NWD2: variants seen among roughly 807,000 people sequenced by gnomAD.
NWD2 encodes the protein NACHT and WD repeat domain-containing protein 2.
NWD2 carries 37 observed loss-of-function variants against 132.7 expected under a neutral mutation model. The observed-to-expected ratio is 0.28, with a 90% CI of 0.21 to 0.37. The LOEUF is 0.37. NWD2 is among the 10% of genes least tolerant of loss of function. NWD2 has a pLI of 1.00. For synonymous variants in NWD2, 705 were observed against 803.0 expected, an observed-to-expected ratio of 0.88 and a Z score of 2.06; for missense variants, 1,592 against 2,122.4, an observed-to-expected ratio of 0.75 and a Z score of 4.91.
At chr4:37,397,429 G>T (rs75724491) in intron 3 of NWD2, among the ~76,000 whole-genome samples, 1 of 152,122 alleles carries the variant, frequency 6.6e-6, no homozygotes, top group African/African-American at 2.4e-5. Context: ...TCATGTGGAT[G>T]GGCCTCATCC....
chr4:37,294,169 CTTG>C (rs1718426894), intron 1 of NWD2, among the ~76,000 whole-genome samples: 2 of 152,062 alleles, frequency 1.3e-5, no homozygotes, highest in African/African-American at 2.4e-5. Flanking sequence ...AGCTTCCAAT[CTTG>C]TTGTAACAGC....
chr4:37,420,206 C>T (rs1421818326), intron 3 of NWD2, among the ~76,000 whole-genome samples: 2 of 152,216 alleles, frequency 1.3e-5, no homozygotes, highest in African/African-American at 4.8e-5. Flanking sequence ...TGCTCTATAA[C>T]AGCTCTGTAT....
At chr4:37,286,573 T>C (rs547228976) in intron 1 of NWD2, among the ~76,000 whole-genome samples, 1 of 152,266 alleles carries the variant, frequency 6.6e-6, no homozygotes, top group South Asian at 2.1e-4. Context: ...TTGGGGTCAG[T>C]AGAAAGAACA....
At chr4:37,413,760 G>T (rs952758890) in intron 3 of NWD2, among the ~76,000 whole-genome samples, 1 of 152,218 alleles carries the variant, frequency 6.6e-6, no homozygotes, top group African/African-American at 2.4e-5. Context: ...AGAAAATGTG[G>T]TACATATACA....
chr4:37,263,646 A>G (rs1312109544), intron 1 of NWD2, among the ~76,000 whole-genome samples: 1 of 151,364 alleles, frequency 6.6e-6, no homozygotes, highest in Non-Finnish European at 1.5e-5. Context: ...GATTAATGCT[A>G]ATTGTTGTTT....
intron 3 of NWD2, among the ~76,000 whole-genome samples, chr4:37,362,391 GCA>G (rs1719998016): frequency 1.3e-5 from 2 of 152,108 alleles, no homozygotes; most frequent in Non-Finnish European, 2.9e-5. Flanking sequence ...AAAGCTGGAG[GCA>G]TCACCACATT....
At chr4:37,263,917 G>A (rs960438363) in intron 1 of NWD2, among the ~76,000 whole-genome samples, 14 of 152,196 alleles carry the variant, frequency 9.2e-5, no homozygotes, top group Non-Finnish European at 1.5e-4. Flanking sequence ...TTCAATGCCT[G>A]TGAATAGTGA....
intron 1 of NWD2, among the ~76,000 whole-genome samples, chr4:37,255,924 G>A (rs1360619125): frequency 6.6e-6 from 1 of 152,194 alleles, no homozygotes; most frequent in Non-Finnish European, 1.5e-5. Flanking sequence ...GAGGATGGAT[G>A]CAGAAGCCAG....
chr4:37,353,172 T>C (rs1035074918), intron 2 of NWD2, among the ~76,000 whole-genome samples: 1 of 152,208 alleles, frequency 6.6e-6, no homozygotes, highest in African/African-American at 2.4e-5. Context: ...GAATGTTGAA[T>C]ATTGGCCGCC....
chr4:37,272,918 T>C lies in NWD2; in HGVS notation c.151+27700T>C, dbSNP rs536055043. 9.2e-5 allele frequency among the ~76,000 whole-genome samples: 14 copies of C among 151,918 alleles called. No homozygotes were observed. In the East Asian group the frequency reaches 2.7e-3, roughly 29 times the overall value. On this transcript the variant is annotated intron_variant, in intron 1 of 6. Transcript: ENST00000309447. ...GTTATCTCCTGGAGAATGCTCCATG[T>C]TTGAAGAGAAGGTATATTCTCCACA...
chr4:37,400,802 C>T (rs76910930), intron 3 of NWD2, among the ~76,000 whole-genome samples: 5,101 of 152,298 alleles, frequency 0.033, 94 homozygotes, highest in Middle Eastern at 0.065. Flanking sequence ...TATTGTTTTG[C>T]TGTGGTTCTT....
intron 3 of NWD2, among the ~76,000 whole-genome samples, chr4:37,373,632 A>T (rs1456661078): frequency 6.6e-6 from 1 of 152,238 alleles, no homozygotes; most frequent in African/African-American, 2.4e-5. Flanking sequence ...AACAGTGATG[A>T]GTAGAAGACC....
At chr4:37,430,824 G>C (rs748462271) in intron 4 of NWD2, 49 bp downstream of exon 4, 2 of 1,477,156 alleles carry the variant, frequency 1.4e-6, no homozygotes, top group South Asian at 2.4e-5. Context: ...TACTACATTT[G>C]TTACCATTTA....
At chr4:37,429,579 G>T (rs1342287466) in intron 3 of NWD2, among the ~76,000 whole-genome samples, 2 of 152,170 alleles carry the variant, frequency 1.3e-5, no homozygotes, top group East Asian at 1.9e-4. Flanking sequence ...GCCTCCCAAA[G>T]TGCTGGGATT....
At chr4:37,403,528 T>C (rs1720938119) in intron 3 of NWD2, among the ~76,000 whole-genome samples, 1 of 152,148 alleles carries the variant, frequency 6.6e-6, no homozygotes, top group Non-Finnish European at 1.5e-5. Context: ...GTGGAGACGA[T>C]TTCTGAGGAG....
chr4:37,372,998 G>C (rs1291587144), intron 3 of NWD2, among the ~76,000 whole-genome samples: 1 of 152,176 alleles, frequency 6.6e-6, no homozygotes, highest in Non-Finnish European at 1.5e-5. Flanking sequence ...CTAAAATCAA[G>C]ACTAAATCAA....
At chr4:37,394,979 ATTT>A (rs11406592) in intron 3 of NWD2, among the ~76,000 whole-genome samples, 2 of 148,546 alleles carry the variant, frequency 1.3e-5, no homozygotes, top group Admixed American at 6.7e-5. Flanking sequence ...TGCCCAGCTA[ATTT>A]TTTTTTTTCT....
chr4:37,306,747 G>T (rs1016530399), intron 1 of NWD2, among the ~76,000 whole-genome samples: 1 of 152,178 alleles, frequency 6.6e-6, no homozygotes, highest in Non-Finnish European at 1.5e-5. Flanking sequence ...TCTGGGCCGG[G>T]TGTGGTGGCT....
chr4:37,329,477 C>T (rs557134487), intron 2 of NWD2, among the ~76,000 whole-genome samples: 2 of 152,054 alleles, frequency 1.3e-5, no homozygotes, highest in Admixed American at 1.3e-4. Flanking sequence ...GCAAGTCATG[C>T]GGATGTCTGG....
Sources: gnomAD v4.1 joint callset for allele counts (sites outside exome capture counted in the v4.1 genomes callset) on GRCh38, gnomAD v4.1.1 for gene constraint, MANE v1.5 for transcripts, NCBI Gene and HGNC (gene_info 2026-07-23, HGNC 2026-07-21) for gene names.